MAPKAPK2: variants seen among roughly 807,000 people sequenced by gnomAD.
The protein encoded by MAPKAPK2 is MAP kinase-activated protein kinase 2.
In MAPKAPK2, 9 loss-of-function variants were observed where a neutral mutation model predicts 48.8. That is an observed-to-expected ratio of 0.18 (90% CI 0.11 to 0.32). MAPKAPK2 has a LOEUF of 0.32. Among genes scored for constraint, MAPKAPK2 ranks in the 10% least tolerant of loss-of-function variants. The probability of loss-of-function intolerance (pLI) is 1.00; values close to 1 mark genes in which losing one functional copy is unlikely to be tolerated. For synonymous variants in MAPKAPK2, 202 were observed against 190.6 expected (o/e 1.06, Z -0.49); for missense variants, 331 against 498.3 (o/e 0.66, Z 3.20).
At chr1:206,701,187 G>A (rs1672782444) in intron 1 of MAPKAPK2, among the ~76,000 whole-genome samples, 1 of 152,196 alleles carries the variant, frequency 6.6e-6, no homozygotes, top group Non-Finnish European at 1.5e-5. Context: ...GAATACAGAA[G>A]CTCTCTTTCA....
chr1:206,695,852 C>G lies in MAPKAPK2; in HGVS notation c.279+10344C>G, dbSNP rs1232343392. ...GTGCACAGTGACCATGGCAACCCCC[C>G]TTCCTGCGGGTGCTGTCAGAGGGGT... On this transcript the variant is annotated intron_variant, in intron 1 of 9. Coordinates refer to ENST00000367103, the MANE Select transcript of MAPKAPK2 (RefSeq NM_032960.4). 4 of 519,448 alleles carry G rather than the reference C, an allele frequency of 7.7e-6. No individual in the cohort carries two copies. The African/African-American group carries it at 7.7e-5, about 10-fold the overall frequency. 32.2% of individuals were successfully genotyped at this position (519,448 alleles called of 1,614,324 possible).
At chr1:206,722,414 C>T (rs1412646060) in intron 1 of MAPKAPK2, among the ~76,000 whole-genome samples, 1 of 152,126 alleles carries the variant, frequency 6.6e-6, no homozygotes, top group African/African-American at 2.4e-5. Flanking sequence ...ACTTTTGATT[C>T]CCCTAGAACT....
chr1:206,724,192 AG>A (rs1673633906), intron 1 of MAPKAPK2, among the ~76,000 whole-genome samples: 1 of 151,970 alleles, frequency 6.6e-6, no homozygotes, highest in African/African-American at 2.4e-5. Context: ...CCCAAGGAGC[AG>A]GGGCCTTGGC....
At position 206,728,952 on chromosome 1, in the gene MAPKAPK2, G is replaced by A. The variant is rs1309707725; in HGVS notation, c.420-83G>A. On this transcript the variant is annotated intron_variant, in intron 2 of 9. Transcript: ENST00000367103. ...CAGGGATGGGCCTGAAGCCTGGAAT[G>A]TAAACACTTGATTTTTTGGGGGGCA... The A allele has an allele frequency of 3.1e-6, 5 of 1,611,900 alleles. No individual in the cohort carries two copies. The Admixed American group carries it at 5.0e-5, about 16-fold the overall frequency.
chr1:206,685,648 G>C (rs1672266685), intron 1 of MAPKAPK2, 140 bp downstream of exon 1: 1 of 593,760 alleles, frequency 1.7e-6, no homozygotes, highest in African/African-American at 2.0e-5. Flanking sequence ...CGGCCGGGCC[G>C]GCGGTGCCGA....
At chr1:206,722,383 A>C (rs1221392483) in intron 1 of MAPKAPK2, among the ~76,000 whole-genome samples, 1 of 152,114 alleles carries the variant, frequency 6.6e-6, no homozygotes, top group Non-Finnish European at 1.5e-5. Flanking sequence ...AAAACAAAAA[A>C]AAACAAAGAA....
intron 1 of MAPKAPK2, among the ~76,000 whole-genome samples, chr1:206,721,942 G>A (rs1673531288): frequency 6.6e-6 from 1 of 152,124 alleles, no homozygotes; most frequent in Non-Finnish European, 1.5e-5. Flanking sequence ...GCACACGCCT[G>A]TAATCCCAGC....
Position 206,732,244 on chromosome 1 carries a change from C to G in MAPKAPK2, c.1059+325C>G, listed in dbSNP as rs980668385. 7.4e-6 allele frequency: 11 copies of G among 1,489,002 alleles called. No homozygotes were observed. Among genetic ancestry groups the G allele is most frequent in the African/African-American group, 4.2e-5 (3 of 71,390 alleles). 92.2% of individuals were successfully genotyped at this position (1,489,002 alleles called of 1,614,324 possible). A position where few individuals can be genotyped will look rare whatever the true frequency, so the allele number is the denominator to read the frequency against. ...GCCCAGAGGCGGAGGGCAGTCTGCT[C>G]AAGGTCACGCAGCTGGTGACTGGTT... On this transcript the variant is annotated intron_variant, in intron 9 of 9. Coordinates refer to ENST00000367103, the MANE Select transcript of MAPKAPK2 (RefSeq NM_032960.4). The surrounding 1 kb of genome is among the most constrained non-coding windows in gnomAD (Gnocchi z 4.4).
At chr1:206,696,790 A>T (rs1393628712) in intron 1 of MAPKAPK2, among the ~76,000 whole-genome samples, 1 of 152,222 alleles carries the variant, frequency 6.6e-6, no homozygotes, top group Non-Finnish European at 1.5e-5. Flanking sequence ...ACTGAGTAAT[A>T]GTGGATGCCA....
Position 206,731,538 on chromosome 1 carries a change from G to T in MAPKAPK2, c.893-102G>T. 8.6e-7 allele frequency: 1 copy of T among 1,167,636 alleles called. No homozygotes were observed. Among genetic ancestry groups the T allele is most frequent in the Non-Finnish European group, 1.3e-6 (1 of 778,936 alleles). The allele number at this position is 1,167,636 out of a possible 1,614,324, so 72.3% of individuals were successfully genotyped here. Reference sequence around the variant, plus strand: ...AGTTGCTCCGGCAGCCTGCCTCCATGCACCCCCTCTTTGAACCTGGTTTCC... The same window carrying T: ...AGTTGCTCCGGCAGCCTGCCTCCATTCACCCCCTCTTTGAACCTGGTTTCC... On this transcript the variant is annotated intron_variant, in intron 7 of 9. Transcript: ENST00000367103. This position sits in a 1 kb window ranked among gnomAD's most constrained non-coding sequence, Gnocchi z 5.9.
chr1:206,687,656 C>T (rs1440731116), intron 1 of MAPKAPK2, among the ~76,000 whole-genome samples: 1 of 152,218 alleles, frequency 6.6e-6, no homozygotes, highest in Non-Finnish European at 1.5e-5. Context: ...GTTCAAAGAA[C>T]GCTGTTCCAG....
chr1:206,728,742 G>A lies in MAPKAPK2; in HGVS notation c.312G>A (p.Glu104=). The A allele has an allele frequency of 6.2e-7, 1 of 1,614,192 alleles. No individual in the cohort carries two copies. The highest frequency in any genetic ancestry group is 8.5e-7 in the Non-Finnish European group (1 of 1,180,026). Residue 104 remains glutamate (E), a synonymous_variant, in exon 2 of 10, where the codon GAG becomes GAA. Transcript: ENST00000367103. ...AGGACTGCCCCAAGGCCCGCAGGGA[G>A]GTGGAGCTGCACTGGCGGGCCTCCC... ...MLQDCPKARR[E]VELHWRASQC...
chr1:206,689,345 G>A (rs868968432), intron 1 of MAPKAPK2, among the ~76,000 whole-genome samples: 1 of 152,314 alleles, frequency 6.6e-6, no homozygotes, highest in South Asian at 2.1e-4. Flanking sequence ...TGCTGTTGGA[G>A]GGAAATGCCA....
At chr1:206,729,705 C>T (rs1049375638) in intron 4 of MAPKAPK2, among the ~76,000 whole-genome samples, 1 of 152,130 alleles carries the variant, frequency 6.6e-6, no homozygotes, top group Non-Finnish European at 1.5e-5. Context: ...TCAGGCAGAA[C>T]CCCTCAGTCA....
At chr1:206,689,694 A>G (rs148405726) in intron 1 of MAPKAPK2, among the ~76,000 whole-genome samples, 2,097 of 152,344 alleles carry the variant, frequency 0.014, 24 homozygotes, top group Non-Finnish European at 0.019. Flanking sequence ...GCACTGTCCA[A>G]TCTGGTAGCC....
In MAPKAPK2 at chr1:206,732,555, T is replaced by G. The variant is rs1553432899; in HGVS notation, c.1060-20T>G. 6.2e-7 allele frequency: 1 copy of G among 1,613,248 alleles called. No individual in the cohort carries two copies. Among genetic ancestry groups the G allele is most frequent in the South Asian group, 1.1e-5 (1 of 91,022 alleles). Reference sequence around the variant, plus strand: ...CTTCTGGCTCTCTCTGTACCCTTCCTGGTGCTGCCGTGCCCCCAGGAGGAG... The same window carrying G: ...CTTCTGGCTCTCTCTGTACCCTTCCGGGTGCTGCCGTGCCCCCAGGAGGAG... On this transcript the variant is annotated intron_variant, in intron 9 of 9. Coordinates refer to ENST00000367103, the MANE Select transcript of MAPKAPK2 (RefSeq NM_032960.4). This position sits in a 1 kb window ranked among gnomAD's most constrained non-coding sequence, Gnocchi z 4.4.
chr1:206,690,814 C>T (rs1392572525), intron 1 of MAPKAPK2, among the ~76,000 whole-genome samples: 1 of 152,208 alleles, frequency 6.6e-6, no homozygotes, highest in African/African-American at 2.4e-5. Flanking sequence ...AGCAGCCTTG[C>T]CATGCTCTGA....
chr1:206,695,345 G>A (rs2102379073), intron 1 of MAPKAPK2, among the ~76,000 whole-genome samples: 1 of 152,176 alleles, frequency 6.6e-6, no homozygotes, highest in Non-Finnish European at 1.5e-5. Flanking sequence ...TTTGCCCAGA[G>A]CCCAGCTCTG....
At chr1:206,729,142 C>A in intron 3 of MAPKAPK2, 43 bp downstream of exon 3, 2 of 1,594,900 alleles carry the variant, frequency 1.3e-6, no homozygotes, top group South Asian at 1.1e-5. Flanking sequence ...GCAGGCAGGG[C>A]AGTGGGGGTC....
Sources: gnomAD v4.1 joint callset for allele counts (sites outside exome capture counted in the v4.1 genomes callset) on GRCh38, gnomAD v4.1.1 for gene constraint, Gnocchi (gnomAD v3.1) non-coding constraint, MANE v1.5 for transcripts, NCBI Gene and HGNC (gene_info 2026-07-23, HGNC 2026-07-21) for gene names.